Variants in ADGRA1 observed in about 807,000 individuals in gnomAD.
ADGRA1 encodes the protein G-protein coupled receptor 123.
A neutral mutation model predicts 21.3 loss-of-function variants in ADGRA1; 12 were observed. That is an observed-to-expected ratio of 0.56 (90% CI 0.36 to 0.91). ADGRA1 has a LOEUF of 0.91. Among genes scored for constraint, ADGRA1 ranks in the 40% least tolerant of loss-of-function variants. The probability of loss-of-function intolerance (pLI) is 0.01; values close to 1 mark genes in which losing one functional copy is unlikely to be tolerated. For synonymous variants in ADGRA1, 385 were observed against 368.8 expected (o/e 1.04, Z -0.50); for missense variants, 790 against 805.6 (o/e 0.98, Z 0.23).
At chr10:133,098,845 C>G in intron 4 of ADGRA1, 82 bp downstream of exon 4, 1 of 1,511,954 alleles carries the variant, frequency 6.6e-7, no homozygotes, top group Non-Finnish European at 8.9e-7. Flanking sequence ...AATATTCCAG[C>G]GTTTGCTCAG....
chr10:133,100,876 G>C (rs1214276827), intron 4 of ADGRA1, among the ~76,000 whole-genome samples: 1 of 152,236 alleles, frequency 6.6e-6, no homozygotes, highest in Non-Finnish European at 1.5e-5. Context: ...GGTGGTGGGA[G>C]GTGCCTGCCG....
chr10:133,093,145 G>C, intron 2 of ADGRA1: 1 of 1,596,644 alleles, frequency 6.3e-7, no homozygotes, highest in Non-Finnish European at 8.5e-7. Flanking sequence ...CAGCCAGTCG[G>C]AGCTGCAGAC....
At chr10:133,123,974 C>T (rs1852326581) in intron 5 of ADGRA1, among the ~76,000 whole-genome samples, 1 of 152,192 alleles carries the variant, frequency 6.6e-6, no homozygotes, top group Non-Finnish European at 1.5e-5. Context: ...GGGAAGAGAA[C>T]GTGGATGTCT....
chr10:133,119,982 T>C (rs1466843975), intron 5 of ADGRA1, among the ~76,000 whole-genome samples: 1 of 152,200 alleles, frequency 6.6e-6, no homozygotes, highest in Non-Finnish European at 1.5e-5. Flanking sequence ...AGTTCCTGGC[T>C]CCGTTAGCCC....
chr10:133,104,353 C>T (rs1851854909), intron 5 of ADGRA1, among the ~76,000 whole-genome samples: 2 of 152,194 alleles, frequency 1.3e-5, no homozygotes, highest in South Asian at 2.1e-4. Flanking sequence ...AAATGCGTTT[C>T]CTCATCTGTA....
intron 5 of ADGRA1, among the ~76,000 whole-genome samples, chr10:133,112,806 GTTGGT>G (rs201204164): frequency 6.8e-4 from 99 of 145,562 alleles, no homozygotes; most frequent in African/African-American, 1.0e-3. Context: ...TGCGGGCCGT[GTTGGT>G]TCGGTTATTT....
At chr10:133,102,180 C>A in intron 4 of ADGRA1, 1 of 454,606 alleles carries the variant, frequency 2.2e-6, no homozygotes, top group Non-Finnish European at 4.4e-6. Flanking sequence ...GGGGCTCATC[C>A]CACCCACAGT....
intron 1 of ADGRA1, 134 bp downstream of exon 1, chr10:133,088,272 G>A: frequency 1.5e-5 from 4 of 269,020 alleles, no homozygotes; most frequent in Non-Finnish European, 2.3e-5. Flanking sequence ...GCTGGGGCGG[G>A]AGGCGCCACG....
chr10:133,121,642 C>G (rs1251976924), intron 5 of ADGRA1, among the ~76,000 whole-genome samples: 1 of 99,994 alleles, frequency 1.0e-5, no homozygotes, highest in Non-Finnish European at 2.0e-5. Flanking sequence ...TGCCAGTGTG[C>G]GTGTGCATGT....
At chr10:133,102,659 G>A in intron 4 of ADGRA1, 38 bp from the exon 5 acceptor site, 1 of 1,580,730 alleles carries the variant, frequency 6.3e-7, no homozygotes, top group Non-Finnish European at 8.6e-7. Context: ...GGGGGTGGGT[G>A]CCCGCCAAGG....
chr10:133,111,339 CA>C (rs1388235763), intron 5 of ADGRA1, among the ~76,000 whole-genome samples: 1 of 98,972 alleles, frequency 1.0e-5, no homozygotes, highest in Non-Finnish European at 1.9e-5. Context: ...ACCACCTGCC[CA>C]CCACAGGCAC....
At chr10:133,127,133 C>T (rs1024541413) in intron 5 of ADGRA1, 100 bp from the exon 6 acceptor site, 8 of 694,510 alleles carry the variant, frequency 1.2e-5, no homozygotes, top group East Asian at 6.8e-5. Context: ...CGCCCGCACC[C>T]GCTGCTCTCC....
At chr10:133,126,760 C>T (rs562928172) in intron 5 of ADGRA1, among the ~76,000 whole-genome samples, 35 of 152,206 alleles carry the variant, frequency 2.3e-4, no homozygotes, top group African/African-American at 5.8e-4. Flanking sequence ...TTCGGCCCTC[C>T]GACCTTCTTC....
At position 133,088,117 on chromosome 10, in the gene ADGRA1, G is replaced by GCAGCC. The variant is rs1851532802; in HGVS notation, c.-223_-219dup. ...CCGGGAGCGCGGCCCGGCCGCCCCG[G>GCAGCC]CAGCCGCTTCGGCCACAGCAGGTGG... is the stretch of plus-strand genomic sequence containing the variant. On this transcript the variant is annotated 5_prime_UTR_variant, in exon 1 of 7. The change abolishes the stop of an existing upstream ORF in the 5' untranslated region. Transcript: ENST00000392607. 4 of 984,910 alleles carry GCAGCC rather than the reference G, an allele frequency of 4.1e-6. No homozygotes were observed. The Admixed American group carries it at 2.5e-4, about 61-fold the overall frequency. 61.0% of individuals were successfully genotyped at this position (984,910 alleles called of 1,614,324 possible).
chr10:133,102,935 C>G (rs1014118087), intron 5 of ADGRA1, 93 bp downstream of exon 5: 1 of 1,370,582 alleles, frequency 7.3e-7, no homozygotes. Flanking sequence ...CACCAGGCCA[C>G]CAGGGGCCTG....
chr10:133,111,809 G>GACCACCTGCCCACCACAGA (rs1564849414), intron 5 of ADGRA1, among the ~76,000 whole-genome samples: 2 of 64,072 alleles, frequency 3.1e-5, no homozygotes, highest in Non-Finnish European at 6.9e-5. Flanking sequence ...CCCACCACAG[G>GACCACCTGCCCACCACAGA]CACCTCCCTC....
Position 133,098,736 on chromosome 10 carries a change from C to T in ADGRA1, c.228C>T (p.Arg76=), listed in dbSNP as rs747367751. 1.9e-6 allele frequency: 3 copies of T among 1,611,722 alleles called. No homozygotes were observed. The highest frequency in any genetic ancestry group is 2.5e-6 in the Non-Finnish European group (3 of 1,179,980). Residue 76 remains arginine (R), a synonymous_variant, in exon 4 of 7, where the codon CGC becomes CGT. Transcript: ENST00000392607. ...CTGTGTTCGCCGGCGGCATCAATCG[C>T]ACCAAGTACCCCATCCTGTGCCAGG... ...TFTVFAGGIN[R]TKYPILCQAV...
At position 133,128,799 on chromosome 10, in the gene ADGRA1, G is replaced by A. The variant is rs761180491; in HGVS notation, c.971G>A (p.Arg324His). ...WQCWWACCPP[R>H]KDAHPALDAN... is the part of the protein sequence containing the mutation. ...TGCTGGTGGGCATGCTGCCCGCCCCGCAAGGACGCCCACCCCGCACTTGAC... is the reference window on the plus strand; with the variant it reads ...TGCTGGTGGGCATGCTGCCCGCCCCACAAGGACGCCCACCCCGCACTTGAC... Residue 324 changes from arginine to histidine, a missense_variant, in exon 7 of 7, where the codon CGC becomes CAC. By Grantham distance (29) the Arg-to-His change is conservative. This residue lies in a region of ADGRA1 where 391 missense variants were observed against 351.5 expected (regional missense o/e 1.11). Transcript: ENST00000392607. The A allele has an allele frequency of 1.4e-5, 22 of 1,608,220 alleles. No homozygotes were observed. The highest frequency in any genetic ancestry group is 1.7e-5 in the Non-Finnish European group (20 of 1,178,118).
At chr10:133,106,956 C>T (rs569524202) in intron 5 of ADGRA1, among the ~76,000 whole-genome samples, 9 of 152,374 alleles carry the variant, frequency 5.9e-5, no homozygotes, top group Admixed American at 2.0e-4. Context: ...AACAGCACCA[C>T]GTCTTCCAAT....
Sources: gnomAD v4.1 joint callset for allele counts (sites outside exome capture counted in the v4.1 genomes callset) on GRCh38, gnomAD v4.1.1 for gene constraint, gnomAD v4.1.1 regional missense constraint, MANE v1.5 for transcripts, NCBI Gene and HGNC (gene_info 2026-07-23, HGNC 2026-07-21) for gene names.